Variants in MYLK2 observed in about 807,000 individuals in gnomAD.
The protein encoded by MYLK2 is myosin light chain kinase 2, skeletal/cardiac muscle.
In MYLK2, 27 loss-of-function variants were observed where a neutral mutation model predicts 58.2. The observed-to-expected ratio is 0.46, with a 90% CI of 0.34 to 0.64. The LOEUF (loss-of-function observed/expected upper bound fraction) is 0.64. Among genes scored for constraint, MYLK2 ranks in the 30% least tolerant of loss-of-function variants. MYLK2 has a pLI of 0.01. For missense variants in MYLK2, 676 were observed against 764.3 expected (o/e 0.88, Z 1.36); for synonymous variants, 310 against 296.7 (o/e 1.04, Z -0.46).
At position 31,820,503 on chromosome 20, in the gene MYLK2, C is replaced by A. The variant is rs34396614; in HGVS notation, c.430C>A (p.Pro144Thr). Residue 144 changes from proline to threonine, a missense_variant, in exon 3 of 13, where the codon CCT becomes ACT. Pro to Thr is a conservative substitution (Grantham distance 38). This residue lies in a region of MYLK2 where 306 missense variants were observed against 296.5 expected (regional missense o/e 1.03). Transcript: ENST00000375985. Reference protein sequence around the residue: ...EGQAAARRGSPAFLHSPSCPA... With the variant: ...EGQAAARRGSTAFLHSPSCPA... ...CCAAGCAGCAGCCAGGAGGGGCTCA[C>A]CTGCCTTTCTGCATAGCCCCAGCTG... The A allele has an allele frequency of 6.2e-7, 1 of 1,605,850 alleles. No homozygotes were observed. The highest frequency in any genetic ancestry group is 1.3e-5 in the African/African-American group (1 of 75,064).
chr20:31,827,213 TGCAGTCCTG>T, intron 8 of MYLK2: 3 of 985,422 alleles, frequency 3.0e-6, no homozygotes, highest in Non-Finnish European at 3.6e-6. Context: ...AAGGGCCTTT[TGCAGTCCTG>T]TGAGCCCCAA....
chr20:31,830,836 T>C lies in MYLK2; in HGVS notation c.1242T>C (p.Cys414=). 1 of 1,613,568 alleles carries C rather than the reference T, an allele frequency of 6.2e-7. No homozygotes were observed. Among genetic ancestry groups the C allele is most frequent in the Non-Finnish European group, 8.5e-7 (1 of 1,179,898 alleles). ...HLDLKPENIL[C]VNTTGHLVKI... is the part of the protein sequence containing the mutation. ...CTCCTCAGCCAGAGAACATCCTGTG[T>C]GTCAACACCACCGGGCATTTGGTGA... Residue 414 remains cysteine, a synonymous_variant, in exon 9 of 13, where the codon TGT becomes TGC. Transcript: ENST00000375985.
chr20:31,823,889 TA>T, intron 5 of MYLK2: 1 of 962,836 alleles, frequency 1.0e-6, no homozygotes, highest in Non-Finnish European at 1.2e-6. Context: ...TCCTGCTTTG[TA>T]AAAAGCCCTG....
chr20:31,827,140 A>C lies in MYLK2; in HGVS notation c.1224+202A>C, dbSNP rs550576314. The stretch of plus-strand genomic sequence containing the variant: ...GCACAGCAAAGAGAGAGAGGGGGGG[A>C]AAAAAAAAAGACGTGGTACCAGCTT... On this transcript the variant is annotated intron_variant, in intron 8 of 12. Coordinates refer to ENST00000375985, the MANE Select transcript of MYLK2 (RefSeq NM_033118.4). 1.8e-4 allele frequency: 155 copies of C among 856,018 alleles called. 1 individual carries two copies. In the Middle Eastern group the frequency reaches 3.6e-3, roughly 20 times the overall value. 53.0% of individuals were successfully genotyped at this position (856,018 alleles called of 1,614,324 possible).
At position 31,833,845 on chromosome 20, in the gene MYLK2, C is replaced by G. The variant is rs1600415575; in HGVS notation, c.*48C>G. The G allele has an allele frequency of 6.4e-7, 1 of 1,558,248 alleles. No homozygotes were observed. Among genetic ancestry groups the G allele is most frequent in the African/African-American group, 1.4e-5 (1 of 74,000 alleles). ...GGACGCAGCCACACAGTGGCCGGGG[C>G]TGAAGCCACACAGCCCAGAAGGCCA... is the stretch of plus-strand genomic sequence containing the variant. On this transcript the variant is annotated 3_prime_UTR_variant, in exon 13 of 13. Coordinates refer to ENST00000375985, the MANE Select transcript of MYLK2 (RefSeq NM_033118.4).
intron 6 of MYLK2, among the ~76,000 whole-genome samples, chr20:31,826,184 C>G (rs2062278400): frequency 6.6e-6 from 1 of 152,084 alleles, no homozygotes; most frequent in Admixed American, 6.5e-5. Flanking sequence ...TTTGAGATGT[C>G]TATTAGACAA....
At chr20:31,833,054 T>C (rs1469342571) in intron 12 of MYLK2, among the ~76,000 whole-genome samples, 1 of 152,080 alleles carries the variant, frequency 6.6e-6, no homozygotes, top group African/African-American at 2.4e-5. Context: ...ATCCAGTTAA[T>C]ATTTTAAAAA....
intron 3 of MYLK2, 28 bp from the exon 4 acceptor site, chr20:31,821,411 G>T (rs1313562802): frequency 2.5e-6 from 4 of 1,611,966 alleles, no homozygotes; most frequent in Non-Finnish European, 3.4e-6. Context: ...GCCGCTGAGG[G>T]CTTCACCTCT....
At chr20:31,823,029 G>T (rs1260635135) in intron 4 of MYLK2, among the ~76,000 whole-genome samples, 1 of 152,194 alleles carries the variant, frequency 6.6e-6, no homozygotes, top group Non-Finnish European at 1.5e-5. Flanking sequence ...GTCCCGCCCC[G>T]CCATGGGTGG....
intron 10 of MYLK2, among the ~76,000 whole-genome samples, chr20:31,831,376 G>A (rs911593921): frequency 6.6e-6 from 1 of 152,044 alleles, no homozygotes; most frequent in Non-Finnish European, 1.5e-5. Flanking sequence ...AGCAGATCTC[G>A]GATGACCTGG....
chr20:31,822,186 C>T (rs2062254698), intron 4 of MYLK2, among the ~76,000 whole-genome samples: 1 of 152,056 alleles, frequency 6.6e-6, no homozygotes. Flanking sequence ...AGGATTTGAA[C>T]CTGTCAGGCC....
intron 8 of MYLK2, chr20:31,828,281 A>T (rs968303270): frequency 1.0e-6 from 1 of 985,264 alleles, no homozygotes; most frequent in African/African-American, 1.7e-5. Flanking sequence ...AGGGAAGGGC[A>T]GCAGGAGTGC....
intron 3 of MYLK2, 105 bp from the exon 4 acceptor site, chr20:31,821,334 G>A: frequency 7.4e-7 from 1 of 1,350,830 alleles, no homozygotes; most frequent in Non-Finnish European, 1.0e-6. Context: ...ATTACACCAT[G>A]CATTTGGGGT....
intron 4 of MYLK2, among the ~76,000 whole-genome samples, chr20:31,822,269 G>T (rs2062255120): frequency 6.6e-6 from 1 of 152,068 alleles, no homozygotes; most frequent in South Asian, 2.1e-4. Flanking sequence ...AGAAAAATCA[G>T]GCAGATTATT....
chr20:31,833,121 T>C (rs6060983), intron 12 of MYLK2, among the ~76,000 whole-genome samples: 61,688 of 151,862 alleles, frequency 0.41, 15,631 homozygotes, highest in African/African-American at 0.71. Context: ...CCTCCCGCCT[T>C]GGCCTCTCGA....
rs759960723 is a variant in MYLK2, at chr20:31,831,783, A to G, written c.1505A>G (p.Asp502Gly). ...GTTCTATCTGGCAACTGGTACTTTG[A>G]TGAAGAGACCTTTGAGGCCGTATCA... ...NNVLSGNWYF[D>G]EETFEAVSDE... is the part of the protein sequence containing the mutation. Residue 502 changes from aspartate (D) to glycine (G), a missense_variant, in exon 11 of 13, where the codon GAT becomes GGT. Coordinates refer to ENST00000375985, the MANE Select transcript of MYLK2 (RefSeq NM_033118.4). 9 of 1,614,120 alleles carry G rather than the reference A, an allele frequency of 5.6e-6. No homozygotes were observed. The Admixed American group carries it at 8.3e-5, about 15-fold the overall frequency.
intron 6 of MYLK2, among the ~76,000 whole-genome samples, chr20:31,825,797 G>C (rs907592035): frequency 1.3e-5 from 2 of 152,138 alleles, no homozygotes; most frequent in African/African-American, 4.8e-5. Context: ...GTGGAGAGAG[G>C]CCCGATTTAC....
At chr20:31,827,530 T>C in intron 8 of MYLK2, 1 of 985,332 alleles carries the variant, frequency 1.0e-6, no homozygotes, top group African/African-American at 1.7e-5. Flanking sequence ...TCCTTCTTCT[T>C]TTTTTTGAGA....
chr20:31,819,676 G>A (rs753139766), intron 2 of MYLK2, 44 bp downstream of exon 2: 39 of 1,550,138 alleles, frequency 2.5e-5, no homozygotes, highest in Non-Finnish European at 3.1e-5. Flanking sequence ...CTTGGGAAGG[G>A]GGGTTTTGAA....
Sources: allele counts gnomAD v4.1 joint callset (sites outside exome capture counted in the v4.1 genomes callset), GRCh38; gene constraint gnomAD v4.1.1; regional missense constraint gnomAD v4.1.1; transcripts MANE v1.5; gene names NCBI Gene and HGNC (gene_info 2026-07-23, HGNC 2026-07-21).